Variants in MOB3B observed in about 807,000 individuals in gnomAD.
The protein encoded by MOB3B is MOB kinase activator-like 2B.
MOB3B carries 7 observed loss-of-function variants against 18.7 expected under a neutral mutation model. That is an observed-to-expected ratio of 0.37 (90% CI 0.21 to 0.70). The LOEUF is 0.70. Among genes scored for constraint, MOB3B ranks in the 30% least tolerant of loss-of-function variants. The pLI is 0.52. For missense variants in MOB3B, 253 were observed against 281.3 expected (o/e 0.90, Z 0.72); for synonymous variants, 111 against 99.9 (o/e 1.11, Z -0.66).
At chr9:27,460,446 G>T (rs1032324475) in intron 1 of MOB3B, among the ~76,000 whole-genome samples, 7 of 152,214 alleles carry the variant, frequency 4.6e-5, no homozygotes, top group Admixed American at 1.3e-4. Context: ...GGCAAGGAAA[G>T]TTCTAATTTT....
chr9:27,404,312 ACATTTTCTTTCTTTCTTTC>A (rs1296011122), intron 2 of MOB3B, among the ~76,000 whole-genome samples: 2 of 144,498 alleles, frequency 1.4e-5, no homozygotes, highest in African/African-American at 5.2e-5. Flanking sequence ...CATATAAACC[ACATTTTCTTTCTTTCTTTC>A]TTTCCTTCTT....
intron 2 of MOB3B, among the ~76,000 whole-genome samples, chr9:27,373,279 CATGTG>C (rs1478155130): frequency 2.6e-5 from 4 of 152,192 alleles, no homozygotes; most frequent in African/African-American, 9.7e-5. Context: ...CTGTCTCTGA[CATGTG>C]ATATGATCTG....
intron 2 of MOB3B, among the ~76,000 whole-genome samples, chr9:27,369,376 TTC>T (rs929804818): frequency 6.6e-6 from 1 of 152,226 alleles, no homozygotes; most frequent in Non-Finnish European, 1.5e-5. Flanking sequence ...ATCTCTAAAT[TTC>T]TCTTCAGCCC....
At chr9:27,405,473 G>C (rs1427301962) in intron 2 of MOB3B, among the ~76,000 whole-genome samples, 1 of 151,996 alleles carries the variant, frequency 6.6e-6, no homozygotes, top group Non-Finnish European at 1.5e-5. Context: ...TATATATTTT[G>C]GTTATTAATC....
At chr9:27,476,071 C>G (rs1370199990) in intron 1 of MOB3B, among the ~76,000 whole-genome samples, 2 of 152,204 alleles carry the variant, frequency 1.3e-5, no homozygotes, top group Admixed American at 1.3e-4. Flanking sequence ...ACAGATCTGG[C>G]CCCTGGATAC....
chr9:27,367,186 A>C (rs1821353875), intron 2 of MOB3B, among the ~76,000 whole-genome samples: 1 of 152,168 alleles, frequency 6.6e-6, no homozygotes, highest in Non-Finnish European at 1.5e-5. Context: ...CATACCCTGA[A>C]ATCAAAGCTC....
At chr9:27,374,216 ATTTTT>A (rs34635444) in intron 2 of MOB3B, among the ~76,000 whole-genome samples, 4 of 148,752 alleles carry the variant, frequency 2.7e-5, no homozygotes, top group Admixed American at 1.3e-4. Flanking sequence ...TGTCTGAAGT[ATTTTT>A]TTTTTTTTTT....
chr9:27,521,982 C>T (rs1563889609), intron 1 of MOB3B, among the ~76,000 whole-genome samples: 4 of 151,952 alleles, frequency 2.6e-5, no homozygotes, highest in Non-Finnish European at 5.9e-5. Context: ...GTGGCTCACG[C>T]CTGTAATCCC....
At chr9:27,440,104 G>A (rs1237480546) in intron 2 of MOB3B, among the ~76,000 whole-genome samples, 3 of 152,132 alleles carry the variant, frequency 2.0e-5, no homozygotes, top group Non-Finnish European at 4.4e-5. Context: ...TGTAAGATTG[G>A]TCTCACCCTA....
At chr9:27,407,276 GC>G (rs1332952798) in intron 2 of MOB3B, among the ~76,000 whole-genome samples, 1 of 152,210 alleles carries the variant, frequency 6.6e-6, no homozygotes, top group Non-Finnish European at 1.5e-5. Context: ...CCCAGACGTG[GC>G]TGTGGATGCT....
At chr9:27,371,944 C>G (rs1821422811) in intron 2 of MOB3B, among the ~76,000 whole-genome samples, 1 of 152,026 alleles carries the variant, frequency 6.6e-6, no homozygotes, top group East Asian at 1.9e-4. Context: ...TCTTATATAG[C>G]TCACTCAGCC....
At chr9:27,516,039 G>A (rs953308469) in intron 1 of MOB3B, among the ~76,000 whole-genome samples, 1 of 152,194 alleles carries the variant, frequency 6.6e-6, no homozygotes, top group Non-Finnish European at 1.5e-5. Flanking sequence ...AAAATGTCAT[G>A]TAACTATGGA....
At chr9:27,395,682 T>C (rs1587179328) in intron 2 of MOB3B, among the ~76,000 whole-genome samples, 1 of 152,290 alleles carries the variant, frequency 6.6e-6, no homozygotes, top group South Asian at 2.1e-4. Flanking sequence ...TCCCTTCCTT[T>C]GTGTTTCTGT....
chr9:27,469,801 T>C (rs530117015), intron 1 of MOB3B, among the ~76,000 whole-genome samples: 1 of 152,074 alleles, frequency 6.6e-6, no homozygotes, highest in Admixed American at 6.6e-5. Flanking sequence ...CCCTCCCTTT[T>C]CGTGCCAGGC....
rs181982413 is a variant in MOB3B at position 27,346,867 on chromosome 9, G to A, written c.621+12167C>T. On this transcript the variant is annotated intron_variant, in intron 3 of 3. Transcript: ENST00000262244. ...AAAAATTAGCCAGTTGTGGTGGCAC[G>A]CACCTGTAGTCCCAGCTACTCGGGA... Among the ~76,000 whole-genome samples the A allele has an allele frequency of 5.9e-5, 9 of 152,162 alleles. No individual in the cohort carries two copies. In the East Asian group the frequency reaches 1.4e-3, roughly 23 times the overall value.
At chr9:27,448,749 A>G (rs557393271) in intron 2 of MOB3B, among the ~76,000 whole-genome samples, 8 of 152,180 alleles carry the variant, frequency 5.3e-5, no homozygotes, top group Non-Finnish European at 1.0e-4. Context: ...CCCAACTGGT[A>G]AATTCTTAGG....
chr9:27,456,011 C>T (rs1240137967), intron 1 of MOB3B, among the ~76,000 whole-genome samples: 1 of 152,148 alleles, frequency 6.6e-6, no homozygotes, highest in Non-Finnish European at 1.5e-5. Flanking sequence ...TGATCATAGG[C>T]TTAGTGGACC....
At chr9:27,488,644 G>A (rs553600197) in intron 1 of MOB3B, among the ~76,000 whole-genome samples, 1 of 152,298 alleles carries the variant, frequency 6.6e-6, no homozygotes, top group South Asian at 2.1e-4. Flanking sequence ...CTGACCTTAC[G>A]TGGTCTACCC....
intron 1 of MOB3B, among the ~76,000 whole-genome samples, chr9:27,526,878 G>A (rs1322868057): frequency 6.6e-6 from 1 of 152,226 alleles, no homozygotes; most frequent in Non-Finnish European, 1.5e-5. Context: ...TGTGAGTGGA[G>A]TGTAAGGTAT....
Sources: allele counts gnomAD v4.1 joint callset (sites outside exome capture counted in the v4.1 genomes callset), GRCh38; gene constraint gnomAD v4.1.1; transcripts MANE v1.5; gene names NCBI Gene and HGNC (gene_info 2026-07-23, HGNC 2026-07-21).